The following SLC1A4 variants were observed in gnomAD, a reference collection of about 807,000 sequenced individuals.
SLC1A4 encodes neutral amino acid transporter A.
Under a neutral mutation model 37.7 loss-of-function variants are expected in SLC1A4, and 19 were observed. The observed-to-expected ratio is 0.50, with a 90% CI of 0.35 to 0.74. The LOEUF (loss-of-function observed/expected upper bound fraction) is 0.74, where lower values mean the gene tolerates loss of function less well. Ranked by LOEUF, SLC1A4 falls within the 30% of genes least tolerant of loss-of-function variation. SLC1A4 has a pLI of 0.01. For missense variants in SLC1A4, 570 were observed against 712.9 expected (o/e 0.80, Z 2.28); for synonymous variants, 299 against 309.8 (o/e 0.97, Z 0.37).
In SLC1A4 at chr2:65,021,043, A is replaced by C. The variant is rs546528482; in HGVS notation, c.1496A>C (p.Asn499Thr). Residue 499 changes from asparagine (N) to threonine (T), a missense_variant, in exon 8 of 8, where the codon AAC (asparagine) becomes ACC (threonine). Asn to Thr is a moderately conservative substitution (Grantham distance 65). Coordinates refer to ENST00000234256, the MANE Select transcript of SLC1A4 (RefSeq NM_003038.5). ...GAGGTGAAAGTGGAAGCCATCCCCA[A>C]CTGCAAGTCTGAGGAGGAGACATCG... ...LAEVKVEAIPNCKSEEETSPL... is the reference protein window; with the variant it reads ...LAEVKVEAIPTCKSEEETSPL... 6.2e-7 allele frequency: 1 copy of C among 1,614,082 alleles called. No individual in the cohort carries two copies. Among genetic ancestry groups the C allele is most frequent in the African/African-American group, 1.3e-5 (1 of 74,924 alleles).
chr2:65,001,365 G>A, intron 1 of SLC1A4, 83 bp from the exon 2 acceptor site: 1 of 1,243,254 alleles, frequency 8.0e-7, no homozygotes. Context: ...TCACACCACT[G>A]CACTCCAGCC....
chr2:64,990,541 AT>A (rs538322177), intron 1 of SLC1A4, among the ~76,000 whole-genome samples: 119 of 152,132 alleles, frequency 7.8e-4, no homozygotes, highest in African/African-American at 2.8e-3. Context: ...GCTTCGCCTC[AT>A]TTTCTCCCAC....
chr2:65,000,164 G>T (rs1253140184), intron 1 of SLC1A4: 1 of 152,158 alleles, frequency 6.6e-6, no homozygotes, highest in Non-Finnish European at 1.5e-5. Flanking sequence ...TACTCTTCTT[G>T]CAGGAAGTGA....
At chr2:65,009,858 T>C (rs1673844669) in intron 3 of SLC1A4, among the ~76,000 whole-genome samples, 1 of 152,202 alleles carries the variant, frequency 6.6e-6, no homozygotes, top group Admixed American at 6.5e-5. Context: ...AGGAGGTCAC[T>C]GTAAGAGCCT....
intron 5 of SLC1A4, among the ~76,000 whole-genome samples, chr2:65,017,527 C>A (rs1674198267): frequency 6.6e-6 from 1 of 151,892 alleles, no homozygotes; most frequent in Non-Finnish European, 1.5e-5. Flanking sequence ...GAAGGAAGTT[C>A]CTCTGGCCTA....
chr2:64,989,180 G>A (rs1315491191), upstream of SLC1A4, among the ~76,000 whole-genome samples: 1 of 151,686 alleles, frequency 6.6e-6, no homozygotes, highest in East Asian at 2.0e-4. Flanking sequence ...CGCCCCCGCG[G>A]CCTCGGGTGG....
chr2:65,005,291 C>A (rs1673631940), intron 3 of SLC1A4, among the ~76,000 whole-genome samples: 1 of 152,192 alleles, frequency 6.6e-6, no homozygotes, highest in African/African-American at 2.4e-5. Context: ...CAGTAAGACA[C>A]CACAATCATT....
chr2:64,989,926 G>C lies in SLC1A4; in HGVS notation c.283G>C (p.Val95Leu). Residue 95 changes from valine to leucine, a missense_variant, in exon 1 of 8, where the codon GTC becomes CTC. Transcript: ENST00000234256. The part of the protein sequence containing the change: ...MLRMIILPLV[V>L]CSLVSGAASL... ...GCGCATGATCATCCTGCCGCTGGTG[G>C]TCTGCAGCCTGGTGTCGGGCGCCGC... is the stretch of plus-strand genomic sequence containing the variant. The C allele has an allele frequency of 6.4e-7, 1 of 1,564,496 alleles. No homozygotes were observed. Among genetic ancestry groups the C allele is most frequent in the East Asian group, 2.4e-5 (1 of 42,302 alleles).
intron 7 of SLC1A4, among the ~76,000 whole-genome samples, chr2:65,020,198 A>G (rs1463069977): frequency 6.6e-6 from 1 of 152,248 alleles, no homozygotes; most frequent in Non-Finnish European, 1.5e-5. Flanking sequence ...AAACTCCCAC[A>G]GTGTATTATT....
chr2:64,997,801 G>A (rs542825985), intron 1 of SLC1A4, among the ~76,000 whole-genome samples: 1 of 152,128 alleles, frequency 6.6e-6, no homozygotes, highest in Admixed American at 6.5e-5. Flanking sequence ...TATATTTCTT[G>A]GGTAAATATC....
At chr2:65,005,215 GTC>G (rs1440579992) in intron 3 of SLC1A4, among the ~76,000 whole-genome samples, 1 of 152,174 alleles carries the variant, frequency 6.6e-6, no homozygotes, top group Non-Finnish European at 1.5e-5. Context: ...ATGTAGGAAA[GTC>G]TGCATTTGGT....
chr2:65,018,155 C>T lies in SLC1A4; in HGVS notation c.1119C>T (p.Ile373=), dbSNP rs74786628. 204 of 1,614,164 alleles carry T rather than the reference C, an allele frequency of 1.3e-4. No homozygotes were observed. The highest frequency in any genetic ancestry group is 9.1e-4 in the African/African-American group (68 of 75,052). ...GGATCAGCAGGTTTATTCTCCCCAT[C>T]GGGGCCACCGTGAACATGGACGGAG... ...DKRISRFILP[I]GATVNMDGAA... is the part of the protein sequence containing the mutation. Residue 373 remains isoleucine (I), a synonymous_variant, in exon 6 of 8, where the codon ATC becomes ATT. Transcript: ENST00000234256. The surrounding 1 kb of genome is among the most constrained non-coding windows in gnomAD (Gnocchi z 4.3).
chr2:65,020,788 C>T, intron 7 of SLC1A4, 124 bp from the exon 8 acceptor site: 2 of 724,878 alleles, frequency 2.8e-6, no homozygotes, highest in African/African-American at 1.8e-5. Context: ...GCCTTAGAAG[C>T]ATGCTCTCCA....
chr2:65,021,009 G>T lies in SLC1A4; in HGVS notation c.1462G>T (p.Glu488Ter). The change falls in exon 8 of 8, where the codon GAA becomes TAA. Residue 488 changes from glutamate to a stop codon, truncating the protein, a stop_gained. Coordinates refer to ENST00000234256, the MANE Select transcript of SLC1A4 (RefSeq NM_003038.5). LOFTEE classifies it high-confidence loss of function. ...NQKATKKGEQ[E>*]LAEVKVEAIP... ...GAAGGCAACAAAGAAAGGCGAGCAG[G>T]AACTTGCTGAGGTGAAAGTGGAAGC... The T allele has an allele frequency of 6.2e-7, 1 of 1,614,258 alleles. No individual in the cohort carries two copies. The highest frequency in any genetic ancestry group is 8.5e-7 in the Non-Finnish European group (1 of 1,180,036).
At chr2:64,999,516 T>A (rs1673387148) in intron 1 of SLC1A4, 1 of 152,184 alleles carries the variant, frequency 6.6e-6, no homozygotes, top group Admixed American at 6.5e-5. Context: ...ACATATTTAC[T>A]ATCCTACAGT....
intron 3 of SLC1A4, among the ~76,000 whole-genome samples, chr2:65,005,657 G>C (rs942670919): frequency 5.3e-5 from 8 of 151,962 alleles, no homozygotes; most frequent in African/African-American, 1.9e-4. Flanking sequence ...TTGAAATGAT[G>C]GTCTTCCAAG....
intron 3 of SLC1A4, among the ~76,000 whole-genome samples, chr2:65,004,567 T>A (rs2103652904): frequency 6.6e-6 from 1 of 152,194 alleles, no homozygotes; most frequent in Admixed American, 6.5e-5. Flanking sequence ...GGATTGTAAG[T>A]GTGAGCCTGT....
At chr2:65,001,371 C>A in intron 1 of SLC1A4, 77 bp from the exon 2 acceptor site, 1 of 1,363,182 alleles carries the variant, frequency 7.3e-7, no homozygotes, top group Non-Finnish European at 1.0e-6. Context: ...CACTGCACTC[C>A]AGCCTGGGCA....
At chr2:65,001,947 A>G (rs970110616) in intron 2 of SLC1A4, among the ~76,000 whole-genome samples, 2 of 152,194 alleles carry the variant, frequency 1.3e-5, no homozygotes, top group African/African-American at 4.8e-5. Flanking sequence ...CCTCTTTCAG[A>G]TATGTTTTTT....
Sources: allele counts gnomAD v4.1 joint callset (sites outside exome capture counted in the v4.1 genomes callset), GRCh38; gene constraint gnomAD v4.1.1; non-coding constraint Gnocchi (gnomAD v3.1); transcripts MANE v1.5; gene names NCBI Gene and HGNC (gene_info 2026-07-23, HGNC 2026-07-21).